The following TAS2R42 variants were observed in gnomAD, a reference collection of about 807,000 sequenced individuals.
TAS2R42 encodes taste receptor type 2 member 42.
For synonymous variants in TAS2R42, 138 were observed against 133.0 expected (o/e 1.04, Z -0.26); for missense variants, 356 against 356.9 (o/e 1.00, Z 0.02).
Position 11,186,235 on chromosome 12 carries a change from T to G in TAS2R42, c.703A>C (p.Met235Leu). 6.2e-7 allele frequency: 1 copy of G among 1,613,738 alleles called. No individual in the cohort carries two copies. Among genetic ancestry groups the G allele is most frequent in the Non-Finnish European group, 8.5e-7 (1 of 1,179,908 alleles). Residue 235 changes from methionine (M) to leucine (L), a missense_variant, in exon 1 of 1, where the codon ATG (methionine) becomes CTG (leucine). By Grantham distance (15) the Met-to-Leu change is conservative. Coordinates refer to ENST00000334266, the MANE Select transcript of TAS2R42 (RefSeq NM_181429.2). The part of the protein sequence containing the change: ...STEAHRRAMK[M>L]VMSFLFLFIV... ...AAGAGGAAAAGGAAAGACATCACCA[T>G]TTTCATGGCCCTCCTATGGGCCTCT... is the stretch of plus-strand genomic sequence containing the variant.
rs780712099 is a variant in TAS2R42 at position 11,186,410 on chromosome 12, A to C, written c.528T>G (p.Asp176Glu). The C allele has an allele frequency of 6.2e-7, 1 of 1,606,650 alleles. No individual in the cohort carries two copies. The highest frequency in any genetic ancestry group is 1.3e-5 in the African/African-American group (1 of 74,496). The change falls in exon 1 of 1, where the codon GAT becomes GAG. Residue 176 changes from aspartate to glutamate, a missense_variant. Coordinates refer to ENST00000334266, the MANE Select transcript of TAS2R42 (RefSeq NM_181429.2). ...GAAGAGTTTTTAAAATAGAGAGTTT[A>C]TCATAGAGAGTTTTACTTTCATCTA... ...LYLDESKTLYDKLSILKTLLS... is the reference protein window; with the variant it reads ...LYLDESKTLYEKLSILKTLLS...
Position 11,186,376 on chromosome 12 carries a change from T to C in TAS2R42, c.562A>G (p.Thr188Ala). The change falls in exon 1 of 1, where the codon ACC becomes GCC. Residue 188 changes from threonine (T) to alanine (A), a missense_variant. Physicochemically the swap from Thr to Ala is moderately conservative, Grantham distance 58. Transcript: ENST00000334266. ...AACAGAGAAAAGGGGATAAAACTGG[T>C]CAAGCTGAGAAGAGTTTTTAAAATA... The part of the protein sequence containing the change: ...LSILKTLLSL[T>A]SFIPFSLFLT... 3.7e-6 allele frequency: 6 copies of C among 1,610,408 alleles called. No homozygotes were observed. The highest frequency in any genetic ancestry group is 5.1e-6 in the Non-Finnish European group (6 of 1,177,228).
the TAS2R42 span, chr12:11,186,163 TA>T: frequency 6.2e-7 from 1 of 1,613,718 alleles, no homozygotes. Flanking sequence ...TTCCACAACA[TA>T]AAAAATATCC....
chr12:11,186,842 G>A lies in TAS2R42; in HGVS notation c.96C>T (p.Cys32=), dbSNP rs758064971. The A allele has an allele frequency of 2.0e-5, 32 of 1,613,966 alleles. No homozygotes were observed. The highest frequency in any genetic ancestry group is 2.7e-5 in the Non-Finnish European group (32 of 1,179,990). ...LGNVFIGLVN[C]SEGIKNQKVF... ...CCTTTTGGTTCTTGATCCCTTCAGA[G>A]CAGTTTACCAGTCCAATGAACACAT... Residue 32 remains cysteine (C), a synonymous_variant, in exon 1 of 1, where the codon TGC becomes TGT. Coordinates refer to ENST00000334266, the MANE Select transcript of TAS2R42 (RefSeq NM_181429.2).
chr12:11,186,387 A>G lies in TAS2R42; in HGVS notation c.551T>C (p.Leu184Pro). ...GGGGATAAAACTGGTCAAGCTGAGA[A>G]GAGTTTTTAAAATAGAGAGTTTATC... ...LYDKLSILKT[L>P]LSLTSFIPFS... The change falls in exon 1 of 1, where the codon CTT becomes CCT. Residue 184 changes from leucine (L) to proline (P), a missense_variant. Transcript: ENST00000334266. The G allele has an allele frequency of 1.9e-6, 3 of 1,608,556 alleles. No homozygotes were observed. The highest frequency in any genetic ancestry group is 2.6e-6 in the Non-Finnish European group (3 of 1,176,280).
the TAS2R42 span, chr12:11,186,295 T>A: frequency 6.2e-7 from 1 of 1,613,974 alleles, no homozygotes; most frequent in Non-Finnish European, 8.5e-7. Flanking sequence ...GAACTGAGCT[T>A]CAAATTTCTA....
At position 11,186,747 on chromosome 12, in the gene TAS2R42, A is replaced by G; in HGVS notation, c.191T>C (p.Phe64Ser). 6.2e-7 allele frequency: 1 copy of G among 1,614,094 alleles called. No homozygotes were observed. Among genetic ancestry groups the G allele is most frequent in the East Asian group, 2.2e-5 (1 of 44,878 alleles). Residue 64 changes from phenylalanine (F) to serine (S), a missense_variant, in exon 1 of 1, where the codon TTT (phenylalanine) becomes TCT (serine). Physicochemically the swap from Phe to Ser is radical, Grantham distance 155. Coordinates refer to ENST00000334266, the MANE Select transcript of TAS2R42 (RefSeq NM_181429.2). ...STIGQLLVIL[F>S]DSFLVGLASH... ...AGCAAGTCCCACTAGAAATGAATCA[A>G]ACAGTATCACCAACAGTTGTCCAAT...
In TAS2R42 at chr12:11,186,545, A is replaced by T. The variant is rs1440752520; in HGVS notation, c.393T>A (p.Val131=). 3.1e-6 allele frequency: 5 copies of T among 1,613,720 alleles called. No homozygotes were observed. Among genetic ancestry groups the T allele is most frequent in the Middle Eastern group, 3.3e-4 (2 of 6,082 alleles). The change falls in exon 1 of 1, where the codon GTT becomes GTA. Residue 131 remains valine, a synonymous_variant. Transcript: ENST00000334266. ...AGAACAAAGACAATATAAGAAGCAT[A>T]ACAATCATTCCGTTCATCCTCCACC... ...WLRWRMNGMI[V]MLLILSLFLL...
Position 11,186,400 on chromosome 12 carries a change from T to G in TAS2R42, c.538A>C (p.Ile180Leu). 6.2e-7 allele frequency: 1 copy of G among 1,607,580 alleles called. No homozygotes were observed. The highest frequency in any genetic ancestry group is 8.5e-7 in the Non-Finnish European group (1 of 1,175,628). ...GTCAAGCTGAGAAGAGTTTTTAAAATAGAGAGTTTATCATAGAGAGTTTTA... is the reference window on the plus strand; with the variant it reads ...GTCAAGCTGAGAAGAGTTTTTAAAAGAGAGAGTTTATCATAGAGAGTTTTA... ...ESKTLYDKLS[I>L]LKTLLSLTSF... Residue 180 changes from isoleucine (I) to leucine (L), a missense_variant, in exon 1 of 1, where the codon ATT becomes CTT. Transcript: ENST00000334266.
the TAS2R42 span, chr12:11,186,409 T>TA: frequency 6.2e-7 from 1 of 1,606,676 alleles, no homozygotes; most frequent in Non-Finnish European, 8.5e-7. Flanking sequence ...ATAGAGAGTT[T>TA]ATCATAGAGA....
rs1948022809 is a variant in TAS2R42, at chr12:11,186,229, T to A, written c.709A>T (p.Met237Leu). 2 of 1,611,910 alleles carry A rather than the reference T, an allele frequency of 1.2e-6. No homozygotes were observed. The highest frequency in any genetic ancestry group is 1.7e-6 in the Non-Finnish European group (2 of 1,178,268). The change falls in exon 1 of 1, where the codon ATG becomes TTG. Residue 237 changes from methionine (M) to leucine (L), a missense_variant. Transcript: ENST00000334266. ...ACTATGAAGAGGAAAAGGAAAGACA[T>A]CACCATTTTCATGGCCCTCCTATGG... is the stretch of plus-strand genomic sequence containing the variant. Reference protein sequence around the residue: ...EAHRRAMKMVMSFLFLFIVHF... With the variant: ...EAHRRAMKMVLSFLFLFIVHF...
rs545745141 is a variant in TAS2R42 at position 11,186,146 on chromosome 12, C to T, written c.792G>A (p.Lys264=). ...NWIFFMLWNN[K]CIKFVMLALN... is the part of the protein sequence containing the mutation. ...AGGCTAACATGACAAACTTTATGCACTTGTTGTTCCACAACATAAAAAATA... is the reference window on the plus strand; with the variant it reads ...AGGCTAACATGACAAACTTTATGCATTTGTTGTTCCACAACATAAAAAATA... The change falls in exon 1 of 1, where the codon AAG becomes AAA. Residue 264 remains lysine, a synonymous_variant. Coordinates refer to ENST00000334266, the MANE Select transcript of TAS2R42 (RefSeq NM_181429.2). 1.2e-6 allele frequency: 2 copies of T among 1,613,874 alleles called. No individual in the cohort carries two copies. Among genetic ancestry groups the T allele is most frequent in the South Asian group, 1.1e-5 (1 of 91,068 alleles).
At position 11,186,370 on chromosome 12, in the gene TAS2R42, A is replaced by C. The variant is rs780373423; in HGVS notation, c.568T>G (p.Phe190Val). The C allele has an allele frequency of 1.9e-6, 3 of 1,611,388 alleles. No individual in the cohort carries two copies. In the South Asian group the frequency reaches 3.3e-5, roughly 18 times the overall value. The change falls in exon 1 of 1, where the codon TTT (phenylalanine) becomes GTT (valine). Residue 190 changes from phenylalanine to valine, a missense_variant. Transcript: ENST00000334266. ...ILKTLLSLTSFIPFSLFLTSL... is the reference protein window; with the variant it reads ...ILKTLLSLTSVIPFSLFLTSL... ...GTCAGGAACAGAGAAAAGGGGATAA[A>C]ACTGGTCAAGCTGAGAAGAGTTTTT... is the stretch of plus-strand genomic sequence containing the variant.
At chr12:11,186,052 C>CA in the TAS2R42 span, 1 of 1,613,804 alleles carries the variant, frequency 6.2e-7, no homozygotes, top group Non-Finnish European at 8.5e-7. Context: ...AGTAGCCTCA[C>CA]AGCTGTCTGT....
rs1254614457 is a variant in TAS2R42 at position 11,186,912 on chromosome 12, A to G, written c.26T>C (p.Phe9Ser). The G allele has an allele frequency of 1.2e-6, 2 of 1,611,894 alleles. No individual in the cohort carries two copies. The highest frequency in any genetic ancestry group is 1.1e-5 in the South Asian group (1 of 90,952). The stretch of plus-strand genomic sequence containing the variant: ...GAATTCTGCTATTGCCAGAATCAGA[A>G]AGATTTTGTCCAATTCGGTGGCCAT... The part of the protein sequence containing the change: MATELDKI[F>S]LILAIAEFII... Residue 9 changes from phenylalanine (F) to serine (S), a missense_variant, in exon 1 of 1, where the codon TTT (phenylalanine) becomes TCT (serine). Phe to Ser is a radical substitution (Grantham distance 155). Transcript: ENST00000334266.
At position 11,186,506 on chromosome 12, in the gene TAS2R42, G is replaced by C. The variant is rs1277332616; in HGVS notation, c.432C>G (p.Asp144Glu). 2 of 1,613,386 alleles carry C rather than the reference G, an allele frequency of 1.2e-6. No individual in the cohort carries two copies. Among genetic ancestry groups the C allele is most frequent in the Admixed American group, 1.7e-5 (1 of 59,908 alleles). Reference sequence around the variant, plus strand: ...CAATAAATATTTCTAGCACTAAACTGTCAAAAATCAGTAAGAACAAAGACA... The same window carrying C: ...CAATAAATATTTCTAGCACTAAACTCTCAAAAATCAGTAAGAACAAAGACA... The part of the protein sequence containing the change: ...LILSLFLLIF[D>E]SLVLEIFIDI... The change falls in exon 1 of 1, where the codon GAC becomes GAG. Residue 144 changes from aspartate to glutamate, a missense_variant. Transcript: ENST00000334266.
At position 11,186,011 on chromosome 12, in the gene TAS2R42, T is replaced by C; in HGVS notation, c.927A>G (p.Pro309=). ...LWHLRNYTKT[P]NPLPL ...AGTCTGTCTACAAAGGTAAAGGGTT[T>C]GGTGTTTTTGTATAGTTCCTAAGAT... The change falls in exon 1 of 1, where the codon CCA becomes CCG. Residue 309 remains proline (P), a synonymous_variant. Coordinates refer to ENST00000334266, the MANE Select transcript of TAS2R42 (RefSeq NM_181429.2). The C allele has an allele frequency of 6.2e-7, 1 of 1,604,768 alleles. No individual in the cohort carries two copies. Among genetic ancestry groups the C allele is most frequent in the Non-Finnish European group, 8.5e-7 (1 of 1,176,112 alleles).
rs1565739179 is a variant in TAS2R42 at position 11,186,728 on chromosome 12, T to C, written c.210A>G (p.Gly70=). The change falls in exon 1 of 1, where the codon GGA becomes GGG. Residue 70 remains glycine, a synonymous_variant. Coordinates refer to ENST00000334266, the MANE Select transcript of TAS2R42 (RefSeq NM_181429.2). ...ATGTGGTATATAAATGTGAAGCAAG[T>C]CCCACTAGAAATGAATCAAACAGTA... ...LVILFDSFLV[G]LASHLYTTYR... The C allele has an allele frequency of 1.2e-6, 2 of 1,614,050 alleles. No individual in the cohort carries two copies. Among genetic ancestry groups the C allele is most frequent in the South Asian group, 2.2e-5 (2 of 91,080 alleles).
Position 11,186,063 on chromosome 12 carries a change from T to C in TAS2R42, c.875A>G (p.Gln292Arg), listed in dbSNP as rs1669412. ...CCACAGTAGCCTCACAGCTGTCTGT[T>C]GCAGCTTGCTGTTTCCCAGAATGAG... Reference protein sequence around the residue: ...FILILGNSKLQQTAVRLLWHL... With the variant: ...FILILGNSKLRQTAVRLLWHL... The change falls in exon 1 of 1, where the codon CAA becomes CGA. Residue 292 changes from glutamine (Q) to arginine (R), a missense_variant. Transcript: ENST00000334266. 0.76 allele frequency: 1,219,999 copies of C among 1,613,670 alleles called. 461,734 individuals are homozygous for C. Among genetic ancestry groups the C allele is most frequent in the Middle Eastern group, 0.8 (4,849 of 6,060 alleles).
Sources: gnomAD v4.1 joint callset for allele counts on GRCh38, gnomAD v4.1.1 for gene constraint, MANE v1.5 for transcripts, NCBI Gene and HGNC (gene_info 2026-07-23, HGNC 2026-07-21) for gene names.